RNF144A: variants seen among roughly 807,000 people sequenced by gnomAD.
RNF144A encodes E3 ubiquitin-protein ligase RNF144A.
In RNF144A, 11 loss-of-function variants were observed where a neutral mutation model predicts 38.7. The observed-to-expected ratio is 0.28, with a 90% confidence interval of 0.18 to 0.47. The LOEUF is 0.47. Among genes scored for constraint, RNF144A ranks in the 20% least tolerant of loss-of-function variants. RNF144A has a pLI of 0.99. For missense variants in RNF144A, 316 were observed against 377.2 expected (o/e 0.84, Z 1.34); for synonymous variants, 149 against 143.9 (o/e 1.04, Z -0.25).
intron 2 of RNF144A, among the ~76,000 whole-genome samples, chr2:6,970,492 A>C (rs1667942614): frequency 6.6e-6 from 1 of 152,192 alleles, no homozygotes; most frequent in Non-Finnish European, 1.5e-5. Context: ...TGTCTTTATG[A>C]GCAGCATGAA....
intron 1 of RNF144A, among the ~76,000 whole-genome samples, chr2:6,928,580 G>A (rs907186230): frequency 1.6e-4 from 24 of 152,164 alleles, no homozygotes; most frequent in African/African-American, 5.6e-4. Context: ...TCTAGCCCAC[G>A]TACTGCTGTC....
At chr2:6,955,454 AG>A (rs934619266) in intron 2 of RNF144A, among the ~76,000 whole-genome samples, 1 of 152,166 alleles carries the variant, frequency 6.6e-6, no homozygotes, top group Non-Finnish European at 1.5e-5. Flanking sequence ...TGGGGATTCC[AG>A]GGCTGGCCAG....
chr2:7,035,168 C>G (rs392904), intron 8 of RNF144A, among the ~76,000 whole-genome samples: 66,335 of 151,990 alleles, frequency 0.44, 15,411 homozygotes, highest in South Asian at 0.76. Context: ...CTCTCTTGCC[C>G]TGTTTTGTTC....
intron 2 of RNF144A, among the ~76,000 whole-genome samples, chr2:6,973,804 G>A (rs1668138471): frequency 6.6e-6 from 1 of 152,332 alleles, no homozygotes; most frequent in East Asian, 1.9e-4. Flanking sequence ...AAGGCTTCAC[G>A]GGCACACGGC....
rs1298272705 is a variant in RNF144A at position 6,941,131 on chromosome 2, C to G, written c.-28C>G. On this transcript the variant is annotated 5_prime_UTR_variant, in exon 2 of 9. Coordinates refer to ENST00000320892, the MANE Select transcript of RNF144A (RefSeq NM_014746.6). The surrounding 1 kb of genome is among the most constrained non-coding windows in gnomAD (Gnocchi z 6.5). ...GCCTGAAGACATTTCCTCTCCTCCC[C>G]TCTGGATTTCTCAGAGGTAACTTTG... 4 of 152,234 alleles carry G rather than the reference C, an allele frequency of 2.6e-5. No homozygotes were observed. Among genetic ancestry groups the G allele is most frequent in the Non-Finnish European group, 5.9e-5 (4 of 68,058 alleles). 9.4% of individuals were successfully genotyped at this position (152,234 alleles called of 1,614,324 possible).
chr2:6,991,309 A>G (rs888643988), intron 2 of RNF144A, among the ~76,000 whole-genome samples: 1 of 152,214 alleles, frequency 6.6e-6, no homozygotes, highest in East Asian at 1.9e-4. Context: ...CACTTGAATA[A>G]GCCAACTCTT....
chr2:7,061,880 T>C (rs369240356), intron 6 of RNF144A, among the ~76,000 whole-genome samples: 1 of 152,226 alleles, frequency 6.6e-6, no homozygotes, highest in Non-Finnish European at 1.5e-5. Context: ...GTAAATAATA[T>C]ATGAGAGCAT....
Position 6,967,654 on chromosome 2 carries a change from G to A in RNF144A, c.-12+26507G>A, listed in dbSNP as rs142554182. 2.2e-3 allele frequency among the ~76,000 whole-genome samples: 331 copies of A among 152,300 alleles called. 2 individuals are homozygous for A. Among genetic ancestry groups the A allele is most frequent in the African/African-American group, 7.5e-3 (310 of 41,564 alleles). On this transcript the variant is annotated intron_variant, in intron 2 of 8. Transcript: ENST00000320892. The stretch of plus-strand genomic sequence containing the variant: ...AGCATCCATTAACAGTAGTGACTGC[G>A]GTGGTGAATCCTTCACTTGTACTTC...
intron 8 of RNF144A, among the ~76,000 whole-genome samples, chr2:7,032,353 C>T (rs1572446758): frequency 1.3e-5 from 2 of 149,790 alleles, no homozygotes; most frequent in South Asian, 2.1e-4. Context: ...CTGGAATCCG[C>T]GCCCCTTGCA....
chr2:6,955,759 G>A (rs1666961869), intron 2 of RNF144A, among the ~76,000 whole-genome samples: 2 of 152,118 alleles, frequency 1.3e-5, no homozygotes, highest in Admixed American at 1.3e-4. Flanking sequence ...TCCCAAAACA[G>A]GGATTTGGTG....
chr2:7,062,997 T>A (rs1333121988), intron 6 of RNF144A: 1 of 151,972 alleles, frequency 6.6e-6, no homozygotes, highest in Non-Finnish European at 1.5e-5. Flanking sequence ...GGAAAAAAAA[T>A]GTTTGACAGT....
downstream of RNF144A, among the ~76,000 whole-genome samples, chr2:7,048,371 C>T (rs1330995382): frequency 6.6e-6 from 1 of 152,196 alleles, no homozygotes; most frequent in Non-Finnish European, 1.5e-5. Context: ...ATCAAAACCA[C>T]CCTGGGACGT....
intron 2 of RNF144A, among the ~76,000 whole-genome samples, chr2:6,967,108 C>G (rs1370324541): frequency 6.6e-6 from 1 of 152,168 alleles, no homozygotes; most frequent in African/African-American, 2.4e-5. Context: ...TTCTCCCTTT[C>G]CGTGACTCTC....
chr2:7,026,844 T>C (rs1268860237), intron 7 of RNF144A, among the ~76,000 whole-genome samples: 1 of 152,200 alleles, frequency 6.6e-6, no homozygotes, highest in African/African-American at 2.4e-5. Flanking sequence ...CCCTTGCTAA[T>C]GGAGAGGAAC....
intron 3 of RNF144A, among the ~76,000 whole-genome samples, chr2:6,997,336 C>T (rs570522973): frequency 1.3e-5 from 2 of 152,256 alleles, no homozygotes; most frequent in South Asian, 2.1e-4. Flanking sequence ...CTTATCATAG[C>T]GCATGTTCTC....
At chr2:6,966,121 A>G (rs1014283137) in intron 2 of RNF144A, among the ~76,000 whole-genome samples, 6 of 152,218 alleles carry the variant, frequency 3.9e-5, no homozygotes. Context: ...CTGTGTGAGT[A>G]TGATTATGAC....
chr2:6,935,711 T>C (rs1665529981), intron 1 of RNF144A, among the ~76,000 whole-genome samples: 1 of 150,976 alleles, frequency 6.6e-6, no homozygotes, highest in South Asian at 2.2e-4. Flanking sequence ...GGATGGCCTC[T>C]CACCTTGTGA....
intron 3 of RNF144A, among the ~76,000 whole-genome samples, chr2:7,002,542 G>A (rs1486338772): frequency 6.6e-6 from 1 of 152,152 alleles, no homozygotes; most frequent in African/African-American, 2.4e-5. Flanking sequence ...GAAAGAGGGT[G>A]TTGGGGCATG....
In RNF144A at chr2:6,930,328, T is replaced by A. The variant is rs1665122742; in HGVS notation, c.-211-10620T>A. Among the ~76,000 whole-genome samples the A allele has an allele frequency of 2.6e-5, 4 of 152,238 alleles. No homozygotes were observed. The South Asian group carries it at 8.3e-4, about 32-fold the overall frequency. Reference sequence around the variant, plus strand: ...TTGAAAAATGTGCTGAGGAGAGGAATCAGAACTCATAAGGATTGTGACAGT... The same window carrying A: ...TTGAAAAATGTGCTGAGGAGAGGAAACAGAACTCATAAGGATTGTGACAGT... On this transcript the variant is annotated intron_variant, in intron 1 of 8. Transcript: ENST00000320892.
Sources: allele counts gnomAD v4.1 joint callset (sites outside exome capture counted in the v4.1 genomes callset), GRCh38; gene constraint gnomAD v4.1.1; non-coding constraint Gnocchi (gnomAD v3.1); transcripts MANE v1.5; gene names NCBI Gene and HGNC (gene_info 2026-07-23, HGNC 2026-07-21).